WDR64: variants seen among roughly 807,000 people sequenced by gnomAD.
The protein encoded by WDR64 is WD repeat domain 64.
In WDR64, 112 loss-of-function variants were observed where a neutral mutation model predicts 139.3. The observed-to-expected ratio is 0.80, with a 90% CI of 0.69 to 0.94. The LOEUF (loss-of-function observed/expected upper bound fraction) is 0.94, where lower values mean the gene tolerates loss of function less well. WDR64 is among the 40% of genes least tolerant of loss of function. The pLI is 0.00. For missense variants in WDR64, 1,206 were observed against 1,293.1 expected, an observed-to-expected ratio of 0.93 and a Z score of 1.03; for synonymous variants, 444 against 437.7, an observed-to-expected ratio of 1.01 and a Z score of -0.18.
At chr1:241,763,564 G>C (rs1658017535) in intron 15 of WDR64, among the ~76,000 whole-genome samples, 1 of 152,130 alleles carries the variant, frequency 6.6e-6, no homozygotes, top group Non-Finnish European at 1.5e-5. Flanking sequence ...AGTTAGCCAG[G>C]TATGGTGGCG....
At chr1:241,670,679 G>A (rs1407331620) in intron 2 of WDR64, among the ~76,000 whole-genome samples, 1 of 152,196 alleles carries the variant, frequency 6.6e-6, no homozygotes, top group Admixed American at 6.5e-5. Flanking sequence ...GAGCATCACT[G>A]CCTGAGCTCC....
At chr1:241,773,932 T>C (rs1300205294) in intron 20 of WDR64, among the ~76,000 whole-genome samples, 1 of 152,206 alleles carries the variant, frequency 6.6e-6, no homozygotes, top group Non-Finnish European at 1.5e-5. Context: ...AAATGTTGAG[T>C]ATACAATAAA....
At chr1:241,796,131 C>T (rs932610717) in intron 26 of WDR64, 126 bp from the exon 27 acceptor site, 43 of 482,728 alleles carry the variant, frequency 8.9e-5, no homozygotes, top group Admixed American at 7.6e-5. Flanking sequence ...TGCTGAGCAA[C>T]TGGGAAGAAG....
chr1:241,738,575 G>A (rs1669415766), intron 11 of WDR64, 86 bp downstream of exon 11: 4 of 1,377,682 alleles, frequency 2.9e-6, no homozygotes, highest in Non-Finnish European at 1.9e-6. Context: ...CTAACTACAA[G>A]GAAAACAAAA....
At chr1:241,694,497 T>A (rs1667413460) in intron 8 of WDR64, among the ~76,000 whole-genome samples, 1 of 152,212 alleles carries the variant, frequency 6.6e-6, no homozygotes, top group African/African-American at 2.4e-5. Flanking sequence ...TATAATTAAC[T>A]GCTAGTGATT....
intron 22 of WDR64, among the ~76,000 whole-genome samples, chr1:241,782,967 T>C (rs1024132925): frequency 5.3e-5 from 8 of 152,328 alleles, no homozygotes; most frequent in African/African-American, 1.9e-4. Flanking sequence ...ATCTCTTTCC[T>C]CTAGTCATCT....
intron 15 of WDR64, among the ~76,000 whole-genome samples, chr1:241,765,552 G>A (rs574895168): frequency 1.3e-5 from 2 of 152,298 alleles, no homozygotes; most frequent in South Asian, 2.1e-4. Context: ...TCAGGAAGGG[G>A]AGAGCAACTG....
chr1:241,759,009 A>G (rs1263987564), intron 15 of WDR64, among the ~76,000 whole-genome samples: 2 of 152,046 alleles, frequency 1.3e-5, no homozygotes, highest in Non-Finnish European at 2.9e-5. Context: ...ATTTTATTTT[A>G]TATCTTTCTC....
chr1:241,728,449 T>C (rs762417798), intron 10 of WDR64, among the ~76,000 whole-genome samples: 9 of 152,106 alleles, frequency 5.9e-5, no homozygotes, highest in Non-Finnish European at 1.2e-4. Flanking sequence ...TTCAAACTCT[T>C]TCATATAAAT....
intron 9 of WDR64, among the ~76,000 whole-genome samples, chr1:241,720,170 A>G (rs986275621): frequency 1.7e-4 from 26 of 152,142 alleles, no homozygotes; most frequent in African/African-American, 6.3e-4. Context: ...TTCATGGTGT[A>G]TATGTACCAT....
At chr1:241,676,617 A>T (rs1666563935) in intron 4 of WDR64, among the ~76,000 whole-genome samples, 1 of 152,194 alleles carries the variant, frequency 6.6e-6, no homozygotes, top group South Asian at 2.1e-4. Flanking sequence ...ATTTCCAGAG[A>T]TGCTTTACAA....
At chr1:241,677,890 T>TA (rs1313916726) in intron 4 of WDR64, among the ~76,000 whole-genome samples, 1 of 152,080 alleles carries the variant, frequency 6.6e-6, no homozygotes, top group Non-Finnish European at 1.5e-5. Flanking sequence ...TCCAAACAAC[T>TA]AAAAAAAATA....
intron 10 of WDR64, among the ~76,000 whole-genome samples, chr1:241,734,217 T>G (rs1250705064): frequency 6.6e-6 from 1 of 152,102 alleles, no homozygotes; most frequent in Non-Finnish European, 1.5e-5. Flanking sequence ...CTGTCCTGCC[T>G]TTCCGGACTT....
chr1:241,778,830 ATTCAT>A (rs1313372401), intron 21 of WDR64, among the ~76,000 whole-genome samples: 2 of 152,140 alleles, frequency 1.3e-5, no homozygotes, highest in Admixed American at 6.6e-5. Flanking sequence ...AATTACTATC[ATTCAT>A]TTCAAGTATT....
chr1:241,765,792 A>C (rs1658133428), intron 15 of WDR64, among the ~76,000 whole-genome samples: 1 of 152,236 alleles, frequency 6.6e-6, no homozygotes, highest in African/African-American at 2.4e-5. Flanking sequence ...TATTTGAGGC[A>C]AGACAATTGA....
Position 241,772,772 on chromosome 1 carries a change from T to G in WDR64, c.2291-20T>G. On this transcript the variant is annotated intron_variant, in intron 19 of 27. Coordinates refer to ENST00000437684, the MANE Select transcript of WDR64 (RefSeq NM_001367482.1). ...GCCACCACGCCTGGCCTCATGATAG[T>G]TCATTAATTTCTCGAATAGGTGAAC... 1 of 1,551,248 alleles carries G rather than the reference T, an allele frequency of 6.4e-7. No individual in the cohort carries two copies. The highest frequency in any genetic ancestry group is 8.7e-7 in the Non-Finnish European group (1 of 1,146,706).
intron 24 of WDR64, among the ~76,000 whole-genome samples, chr1:241,788,549 C>A (rs6669947): frequency 0.17 from 26,260 of 151,944 alleles, 2,635 homozygotes; most frequent in African/African-American, 0.26. Context: ...AAGGGAGCCA[C>A]GGAAGATGAG....
intron 22 of WDR64, among the ~76,000 whole-genome samples, 178 bp from the exon 23 acceptor site, chr1:241,783,094 T>C (rs1052400607): frequency 6.6e-6 from 1 of 152,210 alleles, no homozygotes; most frequent in African/African-American, 2.4e-5. Flanking sequence ...AAAACAGGAC[T>C]TCTTGTACCC....
chr1:241,683,562 T>G lies in WDR64; in HGVS notation c.700T>G (p.Cys234Gly), dbSNP rs1299617783. 1.9e-5 allele frequency: 30 copies of G among 1,551,650 alleles called. No homozygotes were observed. The Middle Eastern group carries it at 8.3e-4, about 43-fold the overall frequency. ...VCVVPLPDHL[C>G]RDDILLGDDG... is the part of the protein sequence containing the mutation. ...TGTGGTGCCTTTGCCTGACCATCTC[T>G]GCCGAGATGACATCCTCTTGGGGGA... Residue 234 changes from cysteine (C) to glycine (G), a missense_variant, in exon 7 of 28, where the codon TGC (cysteine) becomes GGC (glycine). By Grantham distance (159) the Cys-to-Gly change is radical. Coordinates refer to ENST00000437684, the MANE Select transcript of WDR64 (RefSeq NM_001367482.1).
Sources: allele counts gnomAD v4.1 joint callset (sites outside exome capture counted in the v4.1 genomes callset), GRCh38; gene constraint gnomAD v4.1.1; transcripts MANE v1.5; gene names NCBI Gene and HGNC (gene_info 2026-07-23, HGNC 2026-07-21).